FGGY: variants seen among roughly 807,000 people sequenced by gnomAD.
The protein encoded by FGGY is FGGY carbohydrate kinase domain-containing protein.
Under a neutral mutation model 71.3 loss-of-function variants are expected in FGGY, and 72 were observed. The observed-to-expected ratio is 1.01, with a 90% CI of 0.84 to 1.23. The LOEUF is 1.23. Among genes scored for constraint, FGGY ranks in the 50% most tolerant of loss-of-function variants. The pLI, the probability that FGGY is intolerant of heterozygous loss-of-function variation, is 0.00. For missense variants in FGGY, 668 were observed against 682.3 expected (o/e 0.98, Z 0.23); for synonymous variants, 251 against 250.3 (o/e 1.00, Z -0.02).
At chr1:59,367,339 C>G (rs2056765059) in intron 4 of FGGY, among the ~76,000 whole-genome samples, 1 of 152,232 alleles carries the variant, frequency 6.6e-6, no homozygotes, top group Non-Finnish European at 1.5e-5. Context: ...AAGATTACGT[C>G]TCTTCCTGAA....
intron 14 of FGGY, among the ~76,000 whole-genome samples, chr1:59,752,669 T>C (rs1470460076): frequency 6.6e-6 from 1 of 152,224 alleles, no homozygotes; most frequent in Non-Finnish European, 1.5e-5. Flanking sequence ...TACAGCCCTT[T>C]GGTAGCTCCC....
chr1:59,598,006 G>T (rs2096540607), intron 8 of FGGY, among the ~76,000 whole-genome samples: 1 of 152,234 alleles, frequency 6.6e-6, no homozygotes, highest in South Asian at 2.1e-4. Flanking sequence ...GTATTGTGCA[G>T]ATGGAGCACG....
At chr1:59,351,883 GTTGGGCAGAAT>G (rs1347933107) in intron 4 of FGGY, among the ~76,000 whole-genome samples, 4 of 151,820 alleles carry the variant, frequency 2.6e-5, no homozygotes, top group African/African-American at 7.3e-5. Context: ...GTCAGAGGAA[GTTGGGCAGAAT>G]TTGGGGTTTT....
At chr1:59,425,442 A>G (rs919541667) in intron 5 of FGGY, among the ~76,000 whole-genome samples, 1 of 152,006 alleles carries the variant, frequency 6.6e-6, no homozygotes, top group Non-Finnish European at 1.5e-5. Flanking sequence ...CGCCCTTCCC[A>G]TTACACTTGT....
At chr1:59,612,730 A>T (rs866251510) in intron 9 of FGGY, among the ~76,000 whole-genome samples, 1 of 152,192 alleles carries the variant, frequency 6.6e-6, no homozygotes, top group African/African-American at 2.4e-5. Flanking sequence ...AGACCCATCC[A>T]TGTGCTGTAT....
At chr1:59,633,359 C>T (rs2096926350) in intron 10 of FGGY, among the ~76,000 whole-genome samples, 1 of 152,140 alleles carries the variant, frequency 6.6e-6, no homozygotes, top group African/African-American at 2.4e-5. Flanking sequence ...AAAGAAAGTG[C>T]TCAGGGCATT....
chr1:59,384,882 A>G (rs576788160), intron 5 of FGGY, among the ~76,000 whole-genome samples: 2 of 152,326 alleles, frequency 1.3e-5, no homozygotes, highest in South Asian at 2.1e-4. Flanking sequence ...GAATATGCCA[A>G]TTCCAAAAAA....
chr1:59,517,421 A>G (rs930018160), intron 7 of FGGY, among the ~76,000 whole-genome samples: 29 of 151,056 alleles, frequency 1.9e-4, no homozygotes, highest in African/African-American at 7.1e-4. Context: ...GCCCGCCACT[A>G]TGCCCGGCTA....
chr1:59,576,807 A>G (rs1009660481), intron 8 of FGGY, among the ~76,000 whole-genome samples: 3 of 152,028 alleles, frequency 2.0e-5, no homozygotes, highest in Admixed American at 2.0e-4. Context: ...TTTATATGAT[A>G]GTCCCATTCC....
Position 59,746,199 on chromosome 1 carries a change from CAT to C in FGGY, c.1513-11731_1513-11730del, listed in dbSNP as rs371749410. ...TGACAGCAGTGAGATGCAGGGGAGA[CAT>C]GTGTCATTGTATCTCCATCATTAGG... On this transcript the variant is annotated intron_variant, in intron 14 of 15. Transcript: ENST00000303721. 3.0e-4 allele frequency among the ~76,000 whole-genome samples: 46 copies of C among 152,258 alleles called. No homozygotes were observed. The East Asian group carries it at 7.1e-3, about 24-fold the overall frequency.
chr1:59,734,850 G>T (rs1470222132), intron 14 of FGGY, among the ~76,000 whole-genome samples: 1 of 152,184 alleles, frequency 6.6e-6, no homozygotes, highest in African/African-American at 2.4e-5. Flanking sequence ...AGCAGAGAAG[G>T]CCTGGGGGCC....
At position 59,676,546 on chromosome 1, in the gene FGGY, A is replaced by G. The variant is rs114891854; in HGVS notation, c.1512+2413A>G. On this transcript the variant is annotated intron_variant, in intron 14 of 15. Transcript: ENST00000303721. ...CATTGATATCTTATTCAAAACTGGG[A>G]TCTCCAGCTCCAAAGGAATTCCACT... Among the ~76,000 whole-genome samples, 485 of 151,534 alleles carry G rather than the reference A, an allele frequency of 3.2e-3. 1 individual carries two copies. The highest frequency in any genetic ancestry group is 0.011 in the African/African-American group (463 of 41,264).
At chr1:59,754,294 G>A (rs139713713) in intron 14 of FGGY, among the ~76,000 whole-genome samples, 107 of 152,230 alleles carry the variant, frequency 7.0e-4, no homozygotes, top group African/African-American at 2.4e-3. Context: ...AAAACCTCTC[G>A]CCTGAAATAT....
intron 1 of FGGY, among the ~76,000 whole-genome samples, chr1:59,303,438 C>G (rs549576206): frequency 2.0e-5 from 3 of 152,206 alleles, no homozygotes; most frequent in South Asian, 4.1e-4. Context: ...TGGCAGGAAT[C>G]TTTAAGACTG....
intron 6 of FGGY, among the ~76,000 whole-genome samples, chr1:59,467,798 T>A (rs765227332): frequency 6.6e-6 from 1 of 152,224 alleles, no homozygotes; most frequent in Non-Finnish European, 1.5e-5. Flanking sequence ...TAGATACTGA[T>A]GAAATATTCA....
rs72915654 is a variant in FGGY, at chr1:59,493,782, G to T, written c.671-18529G>T. Among the ~76,000 whole-genome samples the T allele has an allele frequency of 7.4e-3, 1,133 of 152,164 alleles. 10 individuals carry two copies. Among genetic ancestry groups the T allele is most frequent in the African/African-American group, 0.026 (1,062 of 41,526 alleles). On this transcript the variant is annotated intron_variant, in intron 6 of 15. Transcript: ENST00000303721. ...GAATTGTATGCATAAAAACAGTTAAGATAGTAAATGTTATCTTACATATAT... is the reference window on the plus strand; with the variant it reads ...GAATTGTATGCATAAAAACAGTTAATATAGTAAATGTTATCTTACATATAT...
intron 8 of FGGY, among the ~76,000 whole-genome samples, chr1:59,578,715 G>A (rs1455451165): frequency 6.6e-6 from 1 of 152,022 alleles, no homozygotes; most frequent in African/African-American, 2.4e-5. Flanking sequence ...AATTTACCAA[G>A]GAGAAGAGAA....
intron 5 of FGGY, among the ~76,000 whole-genome samples, chr1:59,441,483 A>G (rs1481636586): frequency 2.0e-5 from 3 of 152,210 alleles, no homozygotes; most frequent in Admixed American, 1.3e-4. Flanking sequence ...AGTTCCCTGT[A>G]GTATTCTTAG....
At chr1:59,551,583 T>C (rs370741518) in intron 7 of FGGY, among the ~76,000 whole-genome samples, 2 of 152,084 alleles carry the variant, frequency 1.3e-5, no homozygotes, top group African/African-American at 4.8e-5. Context: ...TAAGTGAACA[T>C]TGGTTGCCTG....
Sources: gnomAD v4.1 joint callset for allele counts (sites outside exome capture counted in the v4.1 genomes callset) on GRCh38, gnomAD v4.1.1 for gene constraint, MANE v1.5 for transcripts, NCBI Gene and HGNC (gene_info 2026-07-23, HGNC 2026-07-21) for gene names.